The following MAP4K3 variants were observed in gnomAD, a reference collection of about 807,000 sequenced individuals.
MAP4K3 encodes mitogen-activated protein kinase kinase kinase kinase 3.
Under a neutral mutation model 143.5 loss-of-function variants are expected in MAP4K3, and 94 were observed. The observed-to-expected ratio is 0.65, with a 90% CI of 0.55 to 0.78. MAP4K3 has a LOEUF of 0.78. Ranked by LOEUF, MAP4K3 falls within the 30% of genes least tolerant of loss-of-function variation. The pLI is 0.00. For synonymous variants in MAP4K3, 416 were observed against 347.2 expected (o/e 1.20, Z -2.20); for missense variants, 1,077 against 1,068.1 (o/e 1.01, Z -0.12).
intron 2 of MAP4K3, among the ~76,000 whole-genome samples, chr2:39,370,530 A>C (rs1363813611): frequency 6.6e-6 from 1 of 152,204 alleles, no homozygotes; most frequent in African/African-American, 2.4e-5. Context: ...GCAGGAGAGA[A>C]TATTCCATAA....
intron 12 of MAP4K3, among the ~76,000 whole-genome samples, chr2:39,325,269 C>G (rs749133291): frequency 4.6e-5 from 7 of 152,138 alleles, no homozygotes; most frequent in Non-Finnish European, 4.4e-5. Context: ...GTGATTTCAA[C>G]AAGTGGATTA....
intron 23 of MAP4K3, among the ~76,000 whole-genome samples, chr2:39,279,624 G>A (rs1681427661): frequency 6.6e-6 from 1 of 151,978 alleles, no homozygotes; most frequent in African/African-American, 2.4e-5. Flanking sequence ...CCGGATCCTT[G>A]GTAGCTAAAT....
chr2:39,334,520 C>T (rs749183273), intron 6 of MAP4K3, among the ~76,000 whole-genome samples: 1 of 152,220 alleles, frequency 6.6e-6, no homozygotes, highest in East Asian at 1.9e-4. Flanking sequence ...ACTACTGTAG[C>T]TCTGTGGAAT....
intron 33 of MAP4K3, 90 bp from the exon 34 acceptor site, chr2:39,250,795 G>A: frequency 1.0e-6 from 1 of 959,872 alleles, no homozygotes; most frequent in Non-Finnish European, 1.6e-6. Context: ...TCCAATATGT[G>A]CCTCTATAAA....
chr2:39,310,531 G>C (rs865946108), intron 13 of MAP4K3, among the ~76,000 whole-genome samples: 6 of 152,210 alleles, frequency 3.9e-5, no homozygotes, highest in African/African-American at 1.4e-4. Flanking sequence ...CCTGGGTATT[G>C]TGATAATGCT....
intron 1 of MAP4K3, among the ~76,000 whole-genome samples, chr2:39,416,028 A>G (rs1402890683): frequency 7.7e-6 from 1 of 129,338 alleles, no homozygotes; most frequent in Non-Finnish European, 1.6e-5. Flanking sequence ...GGAAGAATAA[A>G]TTCCCTCTAT....
In MAP4K3 at chr2:39,285,462, T is replaced by C. The variant is rs559781760; in HGVS notation, c.1587+1390A>G. Among the ~76,000 whole-genome samples, 5 of 152,346 alleles carry C rather than the reference T, an allele frequency of 3.3e-5. No homozygotes were observed. In the East Asian group the frequency reaches 7.7e-4, roughly 23 times the overall value. The stretch of plus-strand genomic sequence containing the variant: ...ACTCAGCTGCATTTTTGTACTATTA[T>C]GTTAGCAGGTCTATTAAAATTTAAA... On this transcript the variant is annotated intron_variant, in intron 21 of 33. Coordinates refer to ENST00000263881, the MANE Select transcript of MAP4K3 (RefSeq NM_003618.4).
Position 39,308,024 on chromosome 2 carries a change from G to T in MAP4K3, c.1057-19C>A. ...TGTCGGGCTGTTTAGCAGAGACCAA[G>T]AAACCCAAGTTATTTACGCTTAGAC... On this transcript the variant is annotated intron_variant, in intron 14 of 33. Coordinates refer to ENST00000263881, the MANE Select transcript of MAP4K3 (RefSeq NM_003618.4). 1 of 1,573,534 alleles carries T rather than the reference G, an allele frequency of 6.4e-7. No homozygotes were observed. Among genetic ancestry groups the T allele is most frequent in the Non-Finnish European group, 8.6e-7 (1 of 1,159,948 alleles).
rs145215634 is a variant in MAP4K3, at chr2:39,378,502, G to A, written c.97-379C>T. Reference sequence around the variant, plus strand: ...CAAAAGAACTTAACAAGGTCATACAGCCAGTGAGTCGACAGTGCTGGGATT... The same window carrying A: ...CAAAAGAACTTAACAAGGTCATACAACCAGTGAGTCGACAGTGCTGGGATT... On this transcript the variant is annotated intron_variant, in intron 1 of 33. Transcript: ENST00000263881. 4.6e-5 allele frequency among the ~76,000 whole-genome samples: 7 copies of A among 152,266 alleles called. No homozygotes were observed. The East Asian group carries it at 1.2e-3, about 25-fold the overall frequency.
intron 13 of MAP4K3, among the ~76,000 whole-genome samples, chr2:39,312,325 T>C (rs956219460): frequency 6.6e-6 from 1 of 152,078 alleles, no homozygotes; most frequent in Non-Finnish European, 1.5e-5. Flanking sequence ...TCCACTGAGA[T>C]ACAAGCAGAG....
At chr2:39,282,610 A>G (rs1195207344) in intron 21 of MAP4K3, 56 bp from the exon 22 acceptor site, 3 of 1,136,244 alleles carry the variant, frequency 2.6e-6, no homozygotes, top group Non-Finnish European at 2.6e-6. Flanking sequence ...TGATATAATA[A>G]TACTGTATTT....
intron 15 of MAP4K3, among the ~76,000 whole-genome samples, chr2:39,304,151 T>G (rs1043194805): frequency 2.0e-5 from 3 of 148,334 alleles, no homozygotes; most frequent in Non-Finnish European, 4.5e-5. Flanking sequence ...TTATCTGATT[T>G]TTTTTTTTTT....
At chr2:39,298,543 A>T (rs1682377180) in intron 16 of MAP4K3, among the ~76,000 whole-genome samples, 1 of 152,226 alleles carries the variant, frequency 6.6e-6, no homozygotes, top group African/African-American at 2.4e-5. Flanking sequence ...TTAAAAAAAG[A>T]GAGAAACATG....
intron 8 of MAP4K3, among the ~76,000 whole-genome samples, chr2:39,329,110 C>T (rs1390291987): frequency 1.3e-5 from 2 of 152,182 alleles, no homozygotes; most frequent in Non-Finnish European, 2.9e-5. Context: ...ATATTTCCCA[C>T]ATTATTCCAA....
intron 1 of MAP4K3, among the ~76,000 whole-genome samples, chr2:39,429,920 T>C (rs1054867677): frequency 1.3e-5 from 2 of 152,190 alleles, no homozygotes; most frequent in African/African-American, 4.8e-5. Flanking sequence ...TACTGTCAAC[T>C]GATTTTCATC....
chr2:39,357,717 C>A (rs988651491), intron 2 of MAP4K3, among the ~76,000 whole-genome samples: 2 of 152,136 alleles, frequency 1.3e-5, no homozygotes, highest in Non-Finnish European at 2.9e-5. Context: ...TTGAGGATTC[C>A]TGATTTTCTG....
At position 39,278,387 on chromosome 2, in the gene MAP4K3, G is replaced by A. The variant is rs74990371; in HGVS notation, c.1794+20C>T. 2.9e-6 allele frequency: 4 copies of A among 1,398,330 alleles called. No individual in the cohort carries two copies. Among genetic ancestry groups the A allele is most frequent in the African/African-American group, 1.5e-5 (1 of 68,074 alleles). 86.6% of individuals were successfully genotyped at this position (1,398,330 alleles called of 1,614,324 possible). A position where few individuals can be genotyped will look rare whatever the true frequency, so the allele number is the denominator to read the frequency against. ...GTAACTTAAAAATTAAAAAAAAAAAGAATATACAAAATAACATACCTGTTC... is the reference window on the plus strand; with the variant it reads ...GTAACTTAAAAATTAAAAAAAAAAAAAATATACAAAATAACATACCTGTTC... On this transcript the variant is annotated intron_variant, in intron 24 of 33. Coordinates refer to ENST00000263881, the MANE Select transcript of MAP4K3 (RefSeq NM_003618.4).
intron 6 of MAP4K3, among the ~76,000 whole-genome samples, chr2:39,333,957 A>C (rs1683770818): frequency 1.1e-5 from 1 of 91,580 alleles, no homozygotes; most frequent in African/African-American, 3.6e-5. Context: ...ATTGTTTCCC[A>C]TTTTTGTGTG....
chr2:39,353,775 T>C (rs909321304), intron 3 of MAP4K3, among the ~76,000 whole-genome samples: 4 of 152,126 alleles, frequency 2.6e-5, no homozygotes, highest in Non-Finnish European at 5.9e-5. Flanking sequence ...GCAATAGTAG[T>C]AGTAGCAGCG....
Sources: gnomAD v4.1 joint callset for allele counts (sites outside exome capture counted in the v4.1 genomes callset) on GRCh38, gnomAD v4.1.1 for gene constraint, MANE v1.5 for transcripts, NCBI Gene and HGNC (gene_info 2026-07-23, HGNC 2026-07-21) for gene names.